CPQ: variants seen among roughly 807,000 people sequenced by gnomAD.
CPQ encodes the protein carboxypeptidase Q.
A neutral mutation model predicts 45.7 loss-of-function variants in CPQ; 37 were observed. The ratio of observed to expected loss-of-function variants is 0.81; its 90% CI spans 0.62 to 1.07. The LOEUF is 1.07. Among genes scored for constraint, CPQ ranks in the 50% least tolerant of loss-of-function variants. The pLI is 0.00. For synonymous variants in CPQ, 186 were observed against 205.8 expected, an observed-to-expected ratio of 0.90 and a Z score of 0.82; for missense variants, 537 against 572.9, an observed-to-expected ratio of 0.94 and a Z score of 0.64.
chr8:97,060,413 T>G (rs1015888667), intron 6 of CPQ, among the ~76,000 whole-genome samples: 6 of 152,128 alleles, frequency 3.9e-5, no homozygotes, highest in African/African-American at 1.4e-4. Context: ...TGAGCAGATA[T>G]TAACTAATCC....
chr8:97,123,256 T>TAAAATAAAATAAATAAAATAAAATA (rs1811788745), intron 7 of CPQ, among the ~76,000 whole-genome samples: 1 of 134,204 alleles, frequency 7.5e-6, no homozygotes, highest in African/African-American at 2.7e-5. Context: ...AAAATAAAAA[T>TAAAATAAAATAAATAAAATAAAATA]AAAATAAAAT....
At chr8:96,991,800 G>T (rs944669455) in intron 5 of CPQ, among the ~76,000 whole-genome samples, 11 of 152,020 alleles carry the variant, frequency 7.2e-5, no homozygotes, top group African/African-American at 2.7e-4. Flanking sequence ...CTATTATTAT[G>T]ATCCTTATTA....
intron 7 of CPQ, among the ~76,000 whole-genome samples, chr8:97,082,162 G>A (rs1810960780): frequency 6.6e-6 from 1 of 152,168 alleles, no homozygotes; most frequent in African/African-American, 2.4e-5. Flanking sequence ...GCATTTGAAT[G>A]CTGTTAGGAC....
chr8:96,818,025 C>T (rs1811252398), intron 2 of CPQ, among the ~76,000 whole-genome samples: 1 of 152,050 alleles, frequency 6.6e-6, no homozygotes, highest in Admixed American at 6.6e-5. Flanking sequence ...ATGCCTTCCT[C>T]ACTAAGCCTA....
intron 4 of CPQ, among the ~76,000 whole-genome samples, chr8:96,955,226 TG>T (rs1813337435): frequency 6.6e-6 from 1 of 152,138 alleles, no homozygotes; most frequent in African/African-American, 2.4e-5. Context: ...AGTGTAAAAG[TG>T]TTCCTCTTTC....
At chr8:96,907,905 T>C (rs555974562) in intron 4 of CPQ, among the ~76,000 whole-genome samples, 1 of 152,304 alleles carries the variant, frequency 6.6e-6, no homozygotes, top group South Asian at 2.1e-4. Context: ...GCTTTTCTGA[T>C]GGTTGTGACA....
intron 1 of CPQ, among the ~76,000 whole-genome samples, chr8:96,708,114 A>G (rs112622938): frequency 3.9e-4 from 60 of 152,112 alleles, no homozygotes; most frequent in African/African-American, 1.4e-3. Context: ...CCATCTTCCA[A>G]GCCATCAATG....
intron 2 of CPQ, among the ~76,000 whole-genome samples, chr8:96,827,190 G>A (rs978738080): frequency 5.9e-5 from 9 of 152,056 alleles, no homozygotes; most frequent in Admixed American, 1.3e-4. Context: ...GTTTTAAGAG[G>A]AAATAATGGA....
At chr8:96,705,168 T>C (rs965205594) in intron 1 of CPQ, among the ~76,000 whole-genome samples, 1 of 152,156 alleles carries the variant, frequency 6.6e-6, no homozygotes, top group African/African-American at 2.4e-5. Flanking sequence ...TTCTGAGTGG[T>C]TTTATTGTCA....
At chr8:96,847,875 TGAG>T (rs1415788216) in intron 3 of CPQ, among the ~76,000 whole-genome samples, 1 of 147,618 alleles carries the variant, frequency 6.8e-6, no homozygotes, top group East Asian at 2.0e-4. Flanking sequence ...GCTCTGATGT[TGAG>T]GAGTATGAAA....
intron 4 of CPQ, among the ~76,000 whole-genome samples, chr8:96,909,789 A>T (rs770085715): frequency 1.8e-4 from 27 of 152,278 alleles, no homozygotes; most frequent in Non-Finnish European, 3.4e-4. Context: ...TTATACAGGG[A>T]GGTGATATAA....
intron 1 of CPQ, chr8:96,680,635 A>C (rs1352138650): frequency 6.6e-6 from 1 of 152,466 alleles, no homozygotes; most frequent in Admixed American, 6.5e-5. Context: ...AATTACAGTA[A>C]ATTGGTACCA....
intron 1 of CPQ, among the ~76,000 whole-genome samples, chr8:96,760,430 G>T (rs576558714): frequency 2.6e-5 from 4 of 152,242 alleles, no homozygotes; most frequent in South Asian, 2.1e-4. Flanking sequence ...TTTTAGTCAG[G>T]TCTGTCAGAC....
intron 7 of CPQ, among the ~76,000 whole-genome samples, chr8:97,095,319 C>A (rs1217947954): frequency 6.6e-6 from 1 of 152,170 alleles, no homozygotes; most frequent in Non-Finnish European, 1.5e-5. Flanking sequence ...TCGTCCAAGT[C>A]GCTCAAACCT....
In CPQ at chr8:97,125,650, A is replaced by C. The variant is rs9642939; in HGVS notation, c.1256-17370A>C. Among the ~76,000 whole-genome samples the C allele has an allele frequency of 8.7e-3, 1,322 of 152,322 alleles. 57 individuals carry two copies. The East Asian group carries it at 0.14, about 16-fold the overall frequency. Reference sequence around the variant, plus strand: ...AGAGTATGATCATTTCAGGAGGTGCATAAAAAGCATTGCACAAAATTCAAC... The same window carrying C: ...AGAGTATGATCATTTCAGGAGGTGCCTAAAAAGCATTGCACAAAATTCAAC... On this transcript the variant is annotated intron_variant, in intron 7 of 7. Coordinates refer to ENST00000220763, the MANE Select transcript of CPQ (RefSeq NM_016134.4).
At chr8:97,108,852 C>A (rs551941718) in intron 7 of CPQ, among the ~76,000 whole-genome samples, 16 of 152,260 alleles carry the variant, frequency 1.1e-4, no homozygotes, top group African/African-American at 3.1e-4. Flanking sequence ...AGTGAGGATT[C>A]TCCACCACAT....
rs1203709690 is a variant in CPQ at position 97,068,003 on chromosome 8, A to G, written c.1255+1793A>G. ...TGGTAGCTGTGAGGAAAAGACTGGT[A>G]GACTGTGGGTGAATGAGAGTGCAGA... On this transcript the variant is annotated intron_variant, in intron 7 of 7. Coordinates refer to ENST00000220763, the MANE Select transcript of CPQ (RefSeq NM_016134.4). Among the ~76,000 whole-genome samples the G allele has an allele frequency of 2.0e-5, 3 of 152,180 alleles. No homozygotes were observed. The East Asian group carries it at 5.8e-4, about 29-fold the overall frequency.
chr8:96,817,662 G>A lies in CPQ; in HGVS notation c.434-17311G>A, dbSNP rs192245717. 6.8e-3 allele frequency among the ~76,000 whole-genome samples: 1,029 copies of A among 151,586 alleles called. 8 individuals are homozygous for A. The highest frequency in any genetic ancestry group is 0.01 in the Middle Eastern group (3 of 292). ...AGAGTCTTGCTCTGTCACACAGGCT[G>A]CACTGCTTTGGTGCAATCCTGGCTC... On this transcript the variant is annotated intron_variant, in intron 2 of 7. Coordinates refer to ENST00000220763, the MANE Select transcript of CPQ (RefSeq NM_016134.4).
intron 1 of CPQ, among the ~76,000 whole-genome samples, chr8:96,737,904 G>A (rs1023882031): frequency 2.6e-5 from 4 of 151,972 alleles, no homozygotes; most frequent in Non-Finnish European, 5.9e-5. Flanking sequence ...TTCTTGATTT[G>A]TAGTTCTTTT....
Sources: gnomAD v4.1 joint callset for allele counts (sites outside exome capture counted in the v4.1 genomes callset) on GRCh38, gnomAD v4.1.1 for gene constraint, MANE v1.5 for transcripts, NCBI Gene and HGNC (gene_info 2026-07-23, HGNC 2026-07-21) for gene names.